Variants in PRKCA observed in about 807,000 individuals in gnomAD.
The protein encoded by PRKCA is protein kinase C alpha.
In PRKCA, 27 loss-of-function variants were observed where a neutral mutation model predicts 87.0. That is an observed-to-expected ratio of 0.31 (90% CI 0.23 to 0.43). PRKCA has a LOEUF of 0.43. Ranked by LOEUF, PRKCA falls within the 20% of genes least tolerant of loss-of-function variation. The probability of loss-of-function intolerance (pLI) is 1.00; values close to 1 mark genes in which losing one functional copy is unlikely to be tolerated. For synonymous variants in PRKCA, 329 were observed against 311.1 expected (o/e 1.06, Z -0.61); for missense variants, 518 against 852.3 (o/e 0.61, Z 4.88).
chr17:66,544,914 T>C (rs1968099103), intron 3 of PRKCA, among the ~76,000 whole-genome samples: 4 of 152,164 alleles, frequency 2.6e-5, no homozygotes. Context: ...TTTTTAAAAG[T>C]AAATTATTAC....
Position 66,403,254 on chromosome 17 carries a change from A to AT in PRKCA, c.206-92945dup, listed in dbSNP as rs1567810935. On this transcript the variant is annotated intron_variant, in intron 2 of 16. Transcript: ENST00000413366. ...ATGTTTTAAAAGCTAAGAAGCTCCTATTAGTCTCTGAAATATACCTGGTTT... is the reference window on the plus strand; with the variant it reads ...ATGTTTTAAAAGCTAAGAAGCTCCTATTTAGTCTCTGAAATATACCTGGTTT... 1.9e-3 allele frequency among the ~76,000 whole-genome samples: 285 copies of AT among 152,344 alleles called. 2 individuals are homozygous for AT. The highest frequency in any genetic ancestry group is 6.1e-3 in the African/African-American group (253 of 41,578).
intron 14 of PRKCA, among the ~76,000 whole-genome samples, chr17:66,785,612 A>T (rs527505403): frequency 9.9e-5 from 15 of 152,284 alleles, no homozygotes; most frequent in African/African-American, 3.6e-4. Flanking sequence ...GAAGTGATGG[A>T]TCCCTCAGGA....
chr17:66,515,563 A>T lies in PRKCA; in HGVS notation c.288+19280A>T, dbSNP rs372647695. On this transcript the variant is annotated intron_variant, in intron 3 of 16. Transcript: ENST00000413366. The stretch of plus-strand genomic sequence containing the variant: ...GAGTTTTTCTTTTTTTGCGGGGGGT[A>T]GGGTGTCTCACTCCTTTTGCCCAGG... Among the ~76,000 whole-genome samples the T allele has an allele frequency of 1.1e-3, 172 of 152,238 alleles. 4 individuals are homozygous for T. The South Asian group carries it at 0.034, about 30-fold the overall frequency.
Position 66,587,895 on chromosome 17 carries a change from G to GTATA in PRKCA, c.289-53426_289-53423dup, listed in dbSNP as rs71160580. On this transcript the variant is annotated intron_variant, in intron 3 of 16. Coordinates refer to ENST00000413366, the MANE Select transcript of PRKCA (RefSeq NM_002737.3). Reference sequence around the variant, plus strand: ...TGTGTGTGTGTGTGTGTGTGTGTGTGTATATATATATATATATATATATAT... The same window carrying GTATA: ...TGTGTGTGTGTGTGTGTGTGTGTGTGTATATATATATATATATATATATATATAT... 1.7e-3 allele frequency among the ~76,000 whole-genome samples: 144 copies of GTATA among 85,342 alleles called. 2 individuals carry two copies. The highest frequency in any genetic ancestry group is 7.3e-3 in the East Asian group (21 of 2,860). The allele number at this position is 85,342 out of a possible 152,430, so 56.0% of individuals were successfully genotyped here.
intron 5 of PRKCA, among the ~76,000 whole-genome samples, chr17:66,671,875 T>C (rs1191457280): frequency 6.6e-6 from 1 of 152,158 alleles, no homozygotes; most frequent in Non-Finnish European, 1.5e-5. Flanking sequence ...GAGCGAACAT[T>C]AACAAACAGA....
At chr17:66,607,732 G>A (rs559645800) in intron 3 of PRKCA, among the ~76,000 whole-genome samples, 87 of 152,220 alleles carry the variant, frequency 5.7e-4, no homozygotes, top group Non-Finnish European at 1.0e-3. Flanking sequence ...GTAGAGTGTG[G>A]GGGGCCGGGG....
intron 2 of PRKCA, among the ~76,000 whole-genome samples, chr17:66,326,448 C>A (rs573646630): frequency 6.6e-6 from 1 of 152,232 alleles, no homozygotes; most frequent in East Asian, 1.9e-4. Context: ...ACAAGTGTGG[C>A]TGAGCCTGGC....
At chr17:66,322,608 A>T (rs1283282337) in intron 2 of PRKCA, among the ~76,000 whole-genome samples, 2 of 150,886 alleles carry the variant, frequency 1.3e-5, no homozygotes, top group African/African-American at 2.4e-5. Flanking sequence ...GACCACAGGC[A>T]GCTCTCACCG....
intron 2 of PRKCA, among the ~76,000 whole-genome samples, chr17:66,361,865 G>C (rs549318504): frequency 1.3e-5 from 2 of 152,252 alleles, no homozygotes; most frequent in East Asian, 3.9e-4. Flanking sequence ...AGTGGGACTT[G>C]GCTCAGTTTC....
At chr17:66,406,584 G>GTTTTTTTTTTTTTT (rs1242757426) in intron 2 of PRKCA, among the ~76,000 whole-genome samples, 22 of 21,288 alleles carry the variant, frequency 1.0e-3, no homozygotes, top group Non-Finnish European at 3.0e-3. Context: ...AGCTTTTCCA[G>GTTTTTTTTTTTTTT]GTTTTTTTTT....
chr17:66,735,420 T>G (rs1974000686), intron 9 of PRKCA, 69 bp from the exon 10 acceptor site: 4 of 1,556,476 alleles, frequency 2.6e-6, no homozygotes. Context: ...TCACCTGGCC[T>G]GGTTCCTTCC....
At chr17:66,432,059 A>G (rs991931837) in intron 2 of PRKCA, among the ~76,000 whole-genome samples, 3 of 152,172 alleles carry the variant, frequency 2.0e-5, no homozygotes, top group Non-Finnish European at 4.4e-5. Context: ...CTCATATTCA[A>G]GAAAGAGAAC....
chr17:66,760,052 C>T (rs1396079054), intron 13 of PRKCA, among the ~76,000 whole-genome samples: 1 of 152,220 alleles, frequency 6.6e-6, no homozygotes, highest in Non-Finnish European at 1.5e-5. Context: ...CGGAGTTGAA[C>T]TCAGCAATAC....
chr17:66,789,120 G>A (rs929909561), intron 16 of PRKCA, 141 bp downstream of exon 16: 8 of 1,051,178 alleles, frequency 7.6e-6, no homozygotes, highest in Admixed American at 5.4e-5. Flanking sequence ...TTTCAGCCTT[G>A]TCCTCAGTCC....
intron 4 of PRKCA, among the ~76,000 whole-genome samples, chr17:66,642,819 G>A (rs1182046271): frequency 6.6e-6 from 1 of 152,080 alleles, no homozygotes; most frequent in Non-Finnish European, 1.5e-5. Context: ...GAGGCGGGAG[G>A]ATCACCTGAG....
At chr17:66,546,454 G>T (rs573429161) in intron 3 of PRKCA, among the ~76,000 whole-genome samples, 1 of 152,282 alleles carries the variant, frequency 6.6e-6, no homozygotes, top group East Asian at 1.9e-4. Context: ...TCCTTTGAAG[G>T]CTCTTGGCAA....
chr17:66,535,844 A>G (rs150124307), intron 3 of PRKCA, among the ~76,000 whole-genome samples: 244 of 152,292 alleles, frequency 1.6e-3, no homozygotes, highest in African/African-American at 5.3e-3. Flanking sequence ...GGGTTGTATC[A>G]TCTAAGCCAG....
intron 2 of PRKCA, among the ~76,000 whole-genome samples, chr17:66,391,324 A>G (rs1910346349): frequency 6.6e-6 from 1 of 152,184 alleles, no homozygotes; most frequent in South Asian, 2.1e-4. Context: ...GTGATCTTTG[A>G]GTGCTCCTTG....
intron 3 of PRKCA, among the ~76,000 whole-genome samples, chr17:66,579,275 A>G (rs1969344173): frequency 6.6e-6 from 1 of 152,192 alleles, no homozygotes; most frequent in African/African-American, 2.4e-5. Flanking sequence ...GAAGCAGACC[A>G]GGGTCAAGGA....
Sources: allele counts gnomAD v4.1 joint callset (sites outside exome capture counted in the v4.1 genomes callset), GRCh38; gene constraint gnomAD v4.1.1; transcripts MANE v1.5; gene names NCBI Gene and HGNC (gene_info 2026-07-23, HGNC 2026-07-21).